The following CELF2 variants were observed in gnomAD, a reference collection of about 807,000 sequenced individuals.
CELF2 encodes the protein CUG triplet repeat RNA-binding protein 2.
CELF2 carries 8 observed loss-of-function variants against 62.6 expected under a neutral mutation model. The observed-to-expected ratio is 0.13, with a 90% confidence interval of 0.07 to 0.23. The LOEUF is 0.23. Among genes scored for constraint, CELF2 ranks in the 10% least tolerant of loss-of-function variants. The pLI, the probability that CELF2 is intolerant of heterozygous loss-of-function variation, is 1.00. For synonymous variants in CELF2, 258 were observed against 250.0 expected (o/e 1.03, Z -0.30); for missense variants, 333 against 671.0 (o/e 0.50, Z 5.56).
chr10:10,895,917 A>G (rs1472343773), intron 1 of CELF2, among the ~76,000 whole-genome samples: 1 of 152,230 alleles, frequency 6.6e-6, no homozygotes, highest in Non-Finnish European at 1.5e-5. Context: ...GGCTTGAGGT[A>G]TTTGGAAGGG....
the CELF2 span, among the ~76,000 whole-genome samples, chr10:10,578,713 G>A: frequency 1.3e-5 from 2 of 152,058 alleles, no homozygotes; most frequent in Admixed American, 6.6e-5. Context: ...CTTTCATTAC[G>A]TTGGCACTTT....
At chr10:11,166,056 C>T (rs956539176) in intron 2 of CELF2, among the ~76,000 whole-genome samples, 7 of 152,218 alleles carry the variant, frequency 4.6e-5, no homozygotes, top group African/African-American at 1.4e-4. Context: ...CTCTTCCCAC[C>T]CCTACGTTCC....
In CELF2 at chr10:11,316,038, G is replaced by A. The variant is rs976623243; in HGVS notation, c.1096+1780G>A. 2.6e-5 allele frequency among the ~76,000 whole-genome samples: 4 copies of A among 152,230 alleles called. No individual in the cohort carries two copies. The highest frequency in any genetic ancestry group is 9.6e-5 in the African/African-American group (4 of 41,462). On this transcript the variant is annotated intron_variant, in intron 10 of 12. Coordinates refer to ENST00000633077, the MANE Select transcript of CELF2 (RefSeq NM_001326342.2). The surrounding 1 kb of genome is among the most constrained non-coding windows in gnomAD (Gnocchi z 4.4). ...GTCTGCGTCCCGCCCTGTCCACGCT[G>A]CTCTGCTCTGCATTGCTGAGATTTT...
intron 1 of CELF2, among the ~76,000 whole-genome samples, chr10:11,022,055 G>A (rs139484570): frequency 4.1e-4 from 62 of 152,228 alleles, no homozygotes; most frequent in African/African-American, 1.5e-3. Flanking sequence ...TCCTCCATGG[G>A]CATTTAAAGT....
chr10:10,640,714 C>A, the CELF2 span, among the ~76,000 whole-genome samples: 1 of 152,300 alleles, frequency 6.6e-6, no homozygotes, highest in Non-Finnish European at 1.5e-5. Flanking sequence ...ACACATAAAT[C>A]TGTGCACCTT....
At chr10:10,503,080 A>G in the CELF2 span, among the ~76,000 whole-genome samples, 2 of 151,912 alleles carry the variant, frequency 1.3e-5, no homozygotes, top group Non-Finnish European at 2.9e-5. Flanking sequence ...TTGCATTGTG[A>G]TTAGAGAACA....
chr10:11,189,955 A>C (rs1257447063), intron 2 of CELF2, among the ~76,000 whole-genome samples: 1 of 152,210 alleles, frequency 6.6e-6, no homozygotes, highest in East Asian at 1.9e-4. Flanking sequence ...AGATTTGTTA[A>C]CTGGAATTTC....
intron 2 of CELF2, among the ~76,000 whole-genome samples, chr10:11,199,317 C>T (rs868123396): frequency 6.6e-6 from 1 of 152,176 alleles, no homozygotes; most frequent in Non-Finnish European, 1.5e-5. Flanking sequence ...GCTTTTCCCC[C>T]CTCTTGAACA....
intron 2 of CELF2, among the ~76,000 whole-genome samples, chr10:11,204,635 G>A (rs1199284881): frequency 2.0e-5 from 3 of 152,222 alleles, no homozygotes; most frequent in Admixed American, 2.0e-4. Context: ...CACGGCAGCG[G>A]AACCACAGTC....
intron 11 of CELF2, among the ~76,000 whole-genome samples, chr10:11,323,005 C>T (rs907237385): frequency 2.6e-5 from 4 of 152,080 alleles, no homozygotes; most frequent in African/African-American, 4.8e-5. Context: ...GTCACCTCTC[C>T]ACTACAGAGC....
intron 3 of CELF2, among the ~76,000 whole-genome samples, chr10:11,238,898 A>T (rs928380311): frequency 3.1e-4 from 47 of 152,228 alleles, no homozygotes; most frequent in African/African-American, 1.0e-3. Context: ...ATAAAGCAAA[A>T]TGAAAGCTTG....
chr10:10,563,451 A>T, the CELF2 span, among the ~76,000 whole-genome samples: 1 of 152,034 alleles, frequency 6.6e-6, no homozygotes, highest in South Asian at 2.1e-4. Context: ...CTCTACTAAA[A>T]CTACAAAAAT....
At chr10:10,674,190 T>C in the CELF2 span, among the ~76,000 whole-genome samples, 1 of 152,354 alleles carries the variant, frequency 6.6e-6, no homozygotes, top group South Asian at 2.1e-4. Context: ...TTGCCTGGTA[T>C]ATTTTCATGC....
At chr10:10,849,855 T>A (rs144592034) in intron 1 of CELF2, among the ~76,000 whole-genome samples, 11 of 146,584 alleles carry the variant, frequency 7.5e-5, no homozygotes, top group African/African-American at 2.5e-4. Context: ...AAAAAAAAAA[T>A]TGGCCAGCCA....
At chr10:10,660,707 T>C in the CELF2 span, among the ~76,000 whole-genome samples, 3 of 152,200 alleles carry the variant, frequency 2.0e-5, no homozygotes, top group Non-Finnish European at 4.4e-5. Context: ...AAATGTGTAA[T>C]AGAAGAAAAA....
At chr10:10,729,541 A>G in the CELF2 span, among the ~76,000 whole-genome samples, 1 of 152,192 alleles carries the variant, frequency 6.6e-6, no homozygotes, top group Non-Finnish European at 1.5e-5. Context: ...TATGAGACAA[A>G]GATAAGATAA....
intron 2 of CELF2, among the ~76,000 whole-genome samples, chr10:10,994,978 C>A (rs1374622907): frequency 2.0e-5 from 3 of 152,180 alleles, no homozygotes; most frequent in African/African-American, 7.2e-5. Context: ...TCTCCCAAGT[C>A]CTGTCTCTGC....
At chr10:11,199,718 G>A (rs772490880) in intron 2 of CELF2, among the ~76,000 whole-genome samples, 8 of 152,212 alleles carry the variant, frequency 5.3e-5, no homozygotes, top group Non-Finnish European at 7.3e-5. Flanking sequence ...AGTTAGCCTC[G>A]ATGGCTGGAA....
chr10:10,906,002 C>G (rs1198908550), intron 1 of CELF2, among the ~76,000 whole-genome samples: 1 of 152,126 alleles, frequency 6.6e-6, no homozygotes, highest in African/African-American at 2.4e-5. Context: ...ACCCAAGAGG[C>G]AAAAGTTGCA....
Sources: gnomAD v4.1 joint callset for allele counts (sites outside exome capture counted in the v4.1 genomes callset) on GRCh38, gnomAD v4.1.1 for gene constraint, Gnocchi (gnomAD v3.1) non-coding constraint, MANE v1.5 for transcripts, NCBI Gene and HGNC (gene_info 2026-07-23, HGNC 2026-07-21) for gene names.